The following RAB3GAP2 variants were observed in gnomAD, a reference collection of about 807,000 sequenced individuals.
The protein encoded by RAB3GAP2 is rab3 GTPase-activating protein non-catalytic subunit.
Under a neutral mutation model 185.3 loss-of-function variants are expected in RAB3GAP2, and 87 were observed. That is an observed-to-expected ratio of 0.47 (90% CI 0.39 to 0.56). The LOEUF is 0.56. Ranked by LOEUF, RAB3GAP2 falls within the 20% of genes least tolerant of loss-of-function variation. RAB3GAP2 has a pLI of 0.00. For missense variants in RAB3GAP2, 1,492 were observed against 1,638.2 expected (o/e 0.91, Z 1.54); for synonymous variants, 554 against 576.1 (o/e 0.96, Z 0.55).
intron 1 of RAB3GAP2, among the ~76,000 whole-genome samples, chr1:220,234,801 C>A (rs1659562546): frequency 6.6e-6 from 1 of 152,136 alleles, no homozygotes; most frequent in African/African-American, 2.4e-5. Context: ...TTAACTTAAA[C>A]TCAGTCCTTA....
At chr1:220,262,929 C>T (rs1660167293) in intron 1 of RAB3GAP2, among the ~76,000 whole-genome samples, 1 of 151,596 alleles carries the variant, frequency 6.6e-6, no homozygotes, top group East Asian at 1.9e-4. Flanking sequence ...CAACAATGCA[C>T]AAAAGTTTAT....
At chr1:220,212,751 C>T in intron 4 of RAB3GAP2, 136 bp downstream of exon 4, 1 of 768,964 alleles carries the variant, frequency 1.3e-6, no homozygotes, top group South Asian at 1.5e-5. Context: ...CCTTGGCTTC[C>T]CAAAGTGCTA....
At chr1:220,205,609 TG>T (rs1214046049) in intron 8 of RAB3GAP2, among the ~76,000 whole-genome samples, 1 of 152,176 alleles carries the variant, frequency 6.6e-6, no homozygotes, top group African/African-American at 2.4e-5. Flanking sequence ...TTGTCAATGT[TG>T]GTTGCAAATC....
Position 220,191,087 on chromosome 1 carries a change from T to G in RAB3GAP2, c.1468A>C (p.Asn490His). 1 of 1,613,782 alleles carries G rather than the reference T, an allele frequency of 6.2e-7. No homozygotes were observed. Among genetic ancestry groups the G allele is most frequent in the Non-Finnish European group, 8.5e-7 (1 of 1,179,894 alleles). ...TQQGPRVGAFNVGKHCRLLYP... is the reference protein window; with the variant it reads ...TQQGPRVGAFHVGKHCRLLYP... ...GCTTACCTGCAGTGCTTCCCCACAT[T>G]GAAAGCTCCTACTCTAGGTCCCTGC... is the stretch of plus-strand genomic sequence containing the variant. The change falls in exon 14 of 35, where the codon AAT (asparagine) becomes CAT (histidine). Residue 490 changes from asparagine (N) to histidine (H), a missense_variant. By Grantham distance (68) the Asn-to-His change is moderately conservative (BLOSUM62 1). Around this residue, in one of 5 missense-constraint regions of RAB3GAP2, gnomAD observed 681 missense variants for 689.1 expected, o/e 0.99. Transcript: ENST00000358951.
intron 1 of RAB3GAP2, among the ~76,000 whole-genome samples, chr1:220,233,885 G>C (rs1419165172): frequency 6.6e-6 from 1 of 152,144 alleles, no homozygotes; most frequent in East Asian, 1.9e-4. Context: ...ATTTTTATTA[G>C]AGACAGGGTT....
At chr1:220,235,788 T>A (rs1425821134) in intron 1 of RAB3GAP2, among the ~76,000 whole-genome samples, 1 of 152,166 alleles carries the variant, frequency 6.6e-6, no homozygotes. Context: ...TTCCTACCCC[T>A]GCAGAGACCC....
At chr1:220,215,200 G>A (rs1247862884) in intron 2 of RAB3GAP2, among the ~76,000 whole-genome samples, 1 of 151,860 alleles carries the variant, frequency 6.6e-6, no homozygotes, top group Non-Finnish European at 1.5e-5. Flanking sequence ...CTCAGTTTGT[G>A]TGGAAGTGTA....
intron 21 of RAB3GAP2, among the ~76,000 whole-genome samples, chr1:220,176,776 C>T (rs1658297919): frequency 6.6e-6 from 1 of 152,158 alleles, no homozygotes; most frequent in African/African-American, 2.4e-5. Flanking sequence ...CCCCTCACTG[C>T]AGCTGGAGAA....
intron 1 of RAB3GAP2, among the ~76,000 whole-genome samples, chr1:220,268,876 G>C (rs373335550): frequency 1.1e-3 from 168 of 152,262 alleles, no homozygotes; most frequent in African/African-American, 3.8e-3. Flanking sequence ...ACCTATAACT[G>C]TGCCATACTA....
chr1:220,264,876 C>T (rs1307551475), intron 1 of RAB3GAP2, among the ~76,000 whole-genome samples: 1 of 152,134 alleles, frequency 6.6e-6, no homozygotes, highest in Non-Finnish European at 1.5e-5. Context: ...CTCTAACAAT[C>T]GTTTCACATA....
intron 1 of RAB3GAP2, among the ~76,000 whole-genome samples, chr1:220,247,329 A>G (rs191207535): frequency 6.6e-5 from 10 of 152,360 alleles, no homozygotes; most frequent in Admixed American, 5.2e-4. Flanking sequence ...CACAATTCAC[A>G]ACTACAAAGA....
At position 220,191,240 on chromosome 1, in the gene RAB3GAP2, G is replaced by A. The variant is rs1215145242; in HGVS notation, c.1315C>T (p.Leu439Phe). The change falls in exon 14 of 35, where the codon CTC becomes TTC. Residue 439 changes from leucine to phenylalanine, a missense_variant. By Grantham distance (22) the Leu-to-Phe change is conservative. Transcript: ENST00000358951. ...GCCTTTTCTGGCACTCTTTCATGGA[G>A]GTCCTCTACAGTTTGAATCCATCCA... ...QIGWIQTVED[L>F]HERVPEKADF... 1.2e-6 allele frequency: 2 copies of A among 1,613,738 alleles called. No homozygotes were observed. The highest frequency in any genetic ancestry group is 1.7e-6 in the Non-Finnish European group (2 of 1,179,938).
chr1:220,177,150 A>C (rs1658307165), intron 21 of RAB3GAP2, among the ~76,000 whole-genome samples: 1 of 152,214 alleles, frequency 6.6e-6, no homozygotes, highest in South Asian at 2.1e-4. Flanking sequence ...CAGTATTCCC[A>C]AATAGCCTCA....
At chr1:220,267,787 C>A (rs1349972033) in intron 1 of RAB3GAP2, 1 of 1,488,418 alleles carries the variant, frequency 6.7e-7, no homozygotes, top group African/African-American at 1.4e-5. Flanking sequence ...ACCCACTGAG[C>A]CTGGCCACTA....
intron 1 of RAB3GAP2, among the ~76,000 whole-genome samples, chr1:220,271,732 G>A (rs577767961): frequency 6.6e-6 from 1 of 152,028 alleles, no homozygotes; most frequent in South Asian, 2.1e-4. Context: ...CTTTCGGAAT[G>A]GGAGGTAGCA....
intron 1 of RAB3GAP2, chr1:220,271,221 T>G (rs1215509940): frequency 1.3e-5 from 2 of 152,200 alleles, no homozygotes; most frequent in African/African-American, 4.8e-5. Flanking sequence ...TGGGTTCGAT[T>G]TGATATCTTC....
intron 27 of RAB3GAP2, among the ~76,000 whole-genome samples, chr1:220,163,553 A>G (rs1364262988): frequency 4.0e-5 from 6 of 150,938 alleles, no homozygotes; most frequent in Non-Finnish European, 5.9e-5. Context: ...TAGTAGAGAC[A>G]GGGTTTCACC....
chr1:220,257,387 CAAAACAAAAA>C (rs1660051819), intron 1 of RAB3GAP2, among the ~76,000 whole-genome samples: 1 of 149,682 alleles, frequency 6.7e-6, no homozygotes, highest in African/African-American at 2.5e-5. Context: ...CAAAAAAAAA[CAAAACAAAAA>C]AAAACAAAAA....
intron 1 of RAB3GAP2, among the ~76,000 whole-genome samples, chr1:220,240,511 T>C (rs146505713): frequency 1.3e-5 from 2 of 152,304 alleles, no homozygotes; most frequent in Admixed American, 6.5e-5. Flanking sequence ...AAGATTTCAT[T>C]TGGGTCTTTC....
Sources: allele counts gnomAD v4.1 joint callset (sites outside exome capture counted in the v4.1 genomes callset), GRCh38; gene constraint gnomAD v4.1.1; regional missense constraint gnomAD v4.1.1; transcripts MANE v1.5; gene names NCBI Gene and HGNC (gene_info 2026-07-23, HGNC 2026-07-21).